Variants in BTC observed in about 807,000 individuals in gnomAD.
The protein encoded by BTC is probetacellulin.
Under a neutral mutation model 18.1 loss-of-function variants are expected in BTC, and 13 were observed. That is an observed-to-expected ratio of 0.72 (90% CI 0.47 to 1.14). The LOEUF is 1.14. Ranked by LOEUF, BTC falls within the 50% of genes most tolerant of loss-of-function variation. The pLI, the probability that BTC is intolerant of heterozygous loss-of-function variation, is 0.00. For missense variants in BTC, 247 were observed against 224.2 expected, an observed-to-expected ratio of 1.10 and a Z score of -0.65; for synonymous variants, 83 against 79.4, an observed-to-expected ratio of 1.05 and a Z score of -0.24.
chr4:74,752,529 G>T (rs1337834805), intron 3 of BTC, among the ~76,000 whole-genome samples: 1 of 151,732 alleles, frequency 6.6e-6, no homozygotes, highest in East Asian at 1.9e-4. Flanking sequence ...AACCACGCGC[G>T]CCACCATGCC....
rs548571176 is a variant in BTC, at chr4:74,789,805, C to T, written c.64+4457G>A. ...TATATAATTCAAATAAATCTGACAA[C>T]CCGATTTTCATGAGATTTCCTAAAA... is the stretch of plus-strand genomic sequence containing the variant. On this transcript the variant is annotated intron_variant, in intron 1 of 5. Transcript: ENST00000395743. Among the ~76,000 whole-genome samples, 47 of 152,106 alleles carry T rather than the reference C, an allele frequency of 3.1e-4. No individual in the cohort carries two copies. The East Asian group carries it at 7.1e-3, about 23-fold the overall frequency.
rs183123054 is a variant in BTC, at chr4:74,784,550, C to T, written c.64+9712G>A. On this transcript the variant is annotated intron_variant, in intron 1 of 5. Coordinates refer to ENST00000395743, the MANE Select transcript of BTC (RefSeq NM_001729.4). The stretch of plus-strand genomic sequence containing the variant: ...AGCTTTTGCCCATTCAGTATGATAC[C>T]GGCTGTGGGTTTGTCATATATGGCT... 1.3e-4 allele frequency among the ~76,000 whole-genome samples: 20 copies of T among 152,134 alleles called. No individual in the cohort carries two copies. In the East Asian group the frequency reaches 3.3e-3, roughly 25 times the overall value.
intron 5 of BTC, among the ~76,000 whole-genome samples, chr4:74,747,214 G>A (rs572348622): frequency 6.6e-6 from 1 of 152,316 alleles, no homozygotes; most frequent in South Asian, 2.1e-4. Flanking sequence ...CCTTCTTGGA[G>A]CCTTTCTCTG....
At chr4:74,779,511 T>C (rs915168353) in intron 1 of BTC, among the ~76,000 whole-genome samples, 4 of 152,160 alleles carry the variant, frequency 2.6e-5, no homozygotes, top group Non-Finnish European at 4.4e-5. Flanking sequence ...CAGTTAGGCA[T>C]TGTGACAATT....
At chr4:74,787,527 T>C (rs1420356196) in intron 1 of BTC, among the ~76,000 whole-genome samples, 1 of 152,194 alleles carries the variant, frequency 6.6e-6, no homozygotes, top group Non-Finnish European at 1.5e-5. Context: ...TCTTGAGCAA[T>C]ATAAAACATA....
intron 3 of BTC, 51 bp from the exon 4 acceptor site, chr4:74,750,770 ATC>A: frequency 6.3e-7 from 1 of 1,580,364 alleles, no homozygotes; most frequent in Non-Finnish European, 8.6e-7. Flanking sequence ...ACTTTTAAGA[ATC>A]TCTACTTCTT....
At chr4:74,751,334 G>A (rs1724455167) in intron 3 of BTC, among the ~76,000 whole-genome samples, 1 of 152,082 alleles carries the variant, frequency 6.6e-6, no homozygotes, top group East Asian at 1.9e-4. Flanking sequence ...CACAGATTAG[G>A]TCATGCCCTT....
chr4:74,763,336 ACT>A (rs1257289844), intron 2 of BTC, among the ~76,000 whole-genome samples: 2 of 152,116 alleles, frequency 1.3e-5, no homozygotes, highest in Non-Finnish European at 2.9e-5. Flanking sequence ...AATTATCATA[ACT>A]CAGTGACAAG....
At chr4:74,748,430 G>A (rs1724353667) in intron 4 of BTC, among the ~76,000 whole-genome samples, 1 of 152,010 alleles carries the variant, frequency 6.6e-6, no homozygotes, top group South Asian at 2.1e-4. Flanking sequence ...CAGCTACTCG[G>A]GAGGCTGAGG....
intron 2 of BTC, among the ~76,000 whole-genome samples, chr4:74,768,550 A>G (rs1413715634): frequency 6.6e-6 from 1 of 152,186 alleles, no homozygotes; most frequent in Non-Finnish European, 1.5e-5. Context: ...TGAGGCATCT[A>G]AAATAGCCAA....
rs984674486 is a variant in BTC, at chr4:74,794,446, G to T, written c.-121C>A. 1.8e-6 allele frequency: 2 copies of T among 1,125,652 alleles called. No individual in the cohort carries two copies. Among genetic ancestry groups the T allele is most frequent in the Non-Finnish European group, 2.4e-6 (2 of 822,758 alleles). The allele number at this position is 1,125,652 out of a possible 1,614,324, so 69.7% of individuals were successfully genotyped here. A position where few individuals can be genotyped will look rare whatever the true frequency, so the allele number is the denominator to read the frequency against. On this transcript the variant is annotated 5_prime_UTR_variant, in exon 1 of 6. Transcript: ENST00000395743. ...ACTAATCCCGGAGGCAGAAGGAAAC[G>T]AAACTACTTCCCAGGCTGGCACCCT...
At chr4:74,781,154 C>T (rs567158715) in intron 1 of BTC, among the ~76,000 whole-genome samples, 1 of 152,186 alleles carries the variant, frequency 6.6e-6, no homozygotes, top group Admixed American at 6.5e-5. Context: ...AGGGGAAGCT[C>T]ACCACATCCC....
chr4:74,760,925 G>A (rs1006422335), intron 2 of BTC, among the ~76,000 whole-genome samples: 15 of 151,964 alleles, frequency 9.9e-5, no homozygotes, highest in Admixed American at 3.3e-4. Flanking sequence ...TAGTACAGAC[G>A]GGGTTTCACC....
At chr4:74,787,604 G>A (rs888172740) in intron 1 of BTC, among the ~76,000 whole-genome samples, 2 of 152,156 alleles carry the variant, frequency 1.3e-5, no homozygotes, top group African/African-American at 2.4e-5. Flanking sequence ...ACTTATGTGT[G>A]ATTCTTTGCA....
chr4:74,768,740 G>A (rs1318069565), intron 2 of BTC, among the ~76,000 whole-genome samples: 4 of 152,108 alleles, frequency 2.6e-5, no homozygotes, highest in East Asian at 3.8e-4. Context: ...CATGTTAAAT[G>A]TTCTTACTAC....
intron 2 of BTC, among the ~76,000 whole-genome samples, chr4:74,761,902 G>A (rs1724767054): frequency 6.6e-6 from 1 of 152,068 alleles, no homozygotes; most frequent in South Asian, 2.1e-4. Flanking sequence ...AAACCTGAAG[G>A]CCTTATACTC....
intron 2 of BTC, among the ~76,000 whole-genome samples, chr4:74,764,611 A>G (rs1724848536): frequency 6.6e-6 from 1 of 152,210 alleles, no homozygotes; most frequent in Non-Finnish European, 1.5e-5. Flanking sequence ...CATAAAGAAA[A>G]TGTGGTTTAT....
At chr4:74,754,492 A>G (rs1724545228) in intron 3 of BTC, among the ~76,000 whole-genome samples, 1 of 152,180 alleles carries the variant, frequency 6.6e-6, no homozygotes, top group Non-Finnish European at 1.5e-5. Context: ...CCTGAGAAGG[A>G]GGAAGTCAGT....
At chr4:74,791,045 C>T (rs1725610627) in intron 1 of BTC, among the ~76,000 whole-genome samples, 1 of 152,172 alleles carries the variant, frequency 6.6e-6, no homozygotes, top group Non-Finnish European at 1.5e-5. Context: ...CTATCTCTCC[C>T]TAGACAGGAC....
Sources: gnomAD v4.1 joint callset for allele counts (sites outside exome capture counted in the v4.1 genomes callset) on GRCh38, gnomAD v4.1.1 for gene constraint, MANE v1.5 for transcripts, NCBI Gene and HGNC (gene_info 2026-07-23, HGNC 2026-07-21) for gene names.